The following TEX11 variants were observed in gnomAD, a reference collection of about 807,000 sequenced individuals.
TEX11 encodes the protein testis-expressed protein 11.
TEX11 carries 7 observed loss-of-function variants against 84.4 expected under a neutral mutation model. The ratio of observed to expected loss-of-function variants is 0.08; its 90% CI spans 0.05 to 0.16. The LOEUF is 0.16. Among genes scored for constraint, TEX11 ranks in the 10% least tolerant of loss-of-function variants. The probability of loss-of-function intolerance (pLI) is 1.00; values close to 1 mark genes in which losing one functional copy is unlikely to be tolerated. For synonymous variants in TEX11, 264 were observed against 222.8 expected (o/e 1.18, Z -1.64); for missense variants, 551 against 660.5 (o/e 0.83, Z 1.82).
chrX:70,846,168 C>G (rs2091478265), intron 7 of TEX11: 1 of 72,580 alleles, frequency 1.4e-5, no homozygotes, highest in South Asian at 5.2e-4. Context: ...AGCAAAGCAA[C>G]ATCAAGAGCC....
At chrX:70,664,872 C>T (rs1022556817) in intron 16 of TEX11, among the ~76,000 whole-genome samples, 2 of 101,841 alleles carry the variant, frequency 2.0e-5, no homozygotes, top group African/African-American at 7.1e-5. Context: ...AAAAAAAAAC[C>T]CTCAGAATCA....
intron 25 of TEX11, among the ~76,000 whole-genome samples, chrX:70,582,999 G>GC (rs1047764020): frequency 1.3e-4 from 14 of 110,319 alleles, no homozygotes; most frequent in Non-Finnish European, 2.1e-4. Flanking sequence ...ACCCACCTCG[G>GC]CCTTCCAAAG....
intron 5 of TEX11, among the ~76,000 whole-genome samples, chrX:70,855,945 T>C (rs1222077024): frequency 8.9e-6 from 1 of 111,770 alleles, no homozygotes; most frequent in Non-Finnish European, 1.9e-5. Flanking sequence ...ATATCTGTTG[T>C]TTAAGCCAAC....
At position 70,855,635 on chromosome X, in the gene TEX11, C is replaced by T. The variant is rs1346259176; in HGVS notation, c.325-2307G>A. On this transcript the variant is annotated intron_variant, in intron 5 of 29. Transcript: ENST00000374333. ...TCCCTTCAAAGTCCTACACTGTAGC[C>T]CTAACCTCCAACACCTCAGAATGTA... Among the ~76,000 whole-genome samples, 3 of 110,995 alleles carry T rather than the reference C, an allele frequency of 2.7e-5. No individual in the cohort carries two copies. The Admixed American group carries it at 2.9e-4, about 11-fold the overall frequency.
chrX:70,658,961 G>A lies in TEX11; in HGVS notation c.1381-7409C>T, dbSNP rs372951553. Among the ~76,000 whole-genome samples, 231 of 112,115 alleles carry A rather than the reference G, an allele frequency of 2.1e-3. 2 individuals carry two copies. Among genetic ancestry groups the A allele is most frequent in the African/African-American group, 7.4e-3 (228 of 30,881 alleles). On this transcript the variant is annotated intron_variant, in intron 16 of 29. Transcript: ENST00000374333. The stretch of plus-strand genomic sequence containing the variant: ...TTCCCAAACTATTCAATGGGAAAAG[G>A]ACAGTCTTTTCAACAAATGGTGCTG...
intron 11 of TEX11, among the ~76,000 whole-genome samples, chrX:70,734,294 A>C (rs1333176709): frequency 2.8e-5 from 3 of 108,254 alleles, no homozygotes; most frequent in Non-Finnish European, 5.7e-5. Flanking sequence ...CCTAAAACTT[A>C]AAGTATAATT....
In TEX11 at chrX:70,554,743, C is replaced by T; in HGVS notation, c.2198G>A (p.Arg733Lys). 1 of 1,210,326 alleles carries T rather than the reference C, an allele frequency of 8.3e-7. No homozygotes were observed. Among genetic ancestry groups the T allele is most frequent in the South Asian group, 1.8e-5 (1 of 56,702 alleles). Residue 733 changes from arginine (R) to lysine (K), a missense_variant, in exon 26 of 30, where the codon AGA becomes AAA. By Grantham distance (26) the Arg-to-Lys change is conservative. Transcript: ENST00000374333. ...CAGTAATGGATCATTCAATTTGGCT[C>T]TAACTTCAAACTCGTACAGCAGAAG... Reference protein sequence around the residue: ...KLLLLYEFEVRAKLNDPLLES... With the variant: ...KLLLLYEFEVKAKLNDPLLES...
At chrX:70,615,215 C>T (rs780467075) in intron 20 of TEX11, among the ~76,000 whole-genome samples, 16 of 111,445 alleles carry the variant, frequency 1.4e-4, no homozygotes, top group Non-Finnish European at 3.0e-4. Context: ...CACCAGGGAC[C>T]AGTTCTGGAG....
intron 16 of TEX11, among the ~76,000 whole-genome samples, chrX:70,666,184 A>G (rs1192775941): frequency 8.9e-6 from 1 of 111,902 alleles, no homozygotes; most frequent in African/African-American, 3.3e-5. Context: ...GTATCTAGGG[A>G]TAAACAGAAC....
intron 9 of TEX11, among the ~76,000 whole-genome samples, chrX:70,788,604 G>A (rs1453296352): frequency 1.9e-5 from 2 of 106,719 alleles, no homozygotes; most frequent in Non-Finnish European, 3.8e-5. Flanking sequence ...GCATTACCCT[G>A]ATACTAAAGC....
chrX:70,532,665 C>T (rs1488562061), intron 28 of TEX11, among the ~76,000 whole-genome samples: 3 of 111,693 alleles, frequency 2.7e-5, no homozygotes, highest in Non-Finnish European at 5.6e-5. Flanking sequence ...ACCCAGGAGG[C>T]GGAGGTTGTG....
At chrX:70,732,920 A>G (rs766860432) in intron 11 of TEX11, among the ~76,000 whole-genome samples, 1 of 112,348 alleles carries the variant, frequency 8.9e-6, no homozygotes, top group South Asian at 3.7e-4. Context: ...GGCTACAGTA[A>G]CCAAAACAGC....
At chrX:70,809,806 C>T (rs1602145531) in intron 8 of TEX11, among the ~76,000 whole-genome samples, 2 of 110,973 alleles carry the variant, frequency 1.8e-5, no homozygotes, top group East Asian at 2.8e-4. Context: ...AACCCATTCT[C>T]GTGCCTCAGC....
intron 8 of TEX11, among the ~76,000 whole-genome samples, chrX:70,812,808 A>T (rs1340444498): frequency 8.9e-6 from 1 of 111,927 alleles, no homozygotes; most frequent in Non-Finnish European, 1.9e-5. Context: ...ATCAGAGAAT[A>T]CTATAAATAC....
At chrX:70,748,837 T>A (rs1399268948) in intron 9 of TEX11, among the ~76,000 whole-genome samples, 7 of 95,790 alleles carry the variant, frequency 7.3e-5, no homozygotes, top group Non-Finnish European at 1.0e-4. Context: ...TGTAGTATAG[T>A]TTGAAGTCAG....
chrX:70,824,176 A>C (rs1042309644), intron 8 of TEX11, among the ~76,000 whole-genome samples: 3 of 111,766 alleles, frequency 2.7e-5, no homozygotes, highest in African/African-American at 9.8e-5. Context: ...GCAGAAGGCA[A>C]ATAAAGGAAG....
chrX:70,792,362 A>G (rs2091129410), intron 9 of TEX11, among the ~76,000 whole-genome samples: 1 of 7,649 alleles, frequency 1.3e-4, no homozygotes, highest in Non-Finnish European at 2.2e-4. Context: ...ATATATACAC[A>G]CACAAATATA....
intron 15 of TEX11, among the ~76,000 whole-genome samples, chrX:70,676,910 A>T (rs1259209316): frequency 8.9e-6 from 1 of 111,978 alleles, no homozygotes; most frequent in Non-Finnish European, 1.9e-5. Flanking sequence ...TTTCATCTTT[A>T]TAAGTTTGAT....
the TEX11 span, among the ~76,000 whole-genome samples, chrX:70,522,770 C>T: frequency 7.3e-3 from 795 of 109,153 alleles, 5 homozygotes; most frequent in African/African-American, 0.019. Flanking sequence ...CTTGAACTCC[C>T]GACCTCAGGT....
Sources: gnomAD v4.1 joint callset for allele counts (sites outside exome capture counted in the v4.1 genomes callset) on GRCh38, gnomAD v4.1.1 for gene constraint, MANE v1.5 for transcripts, NCBI Gene and HGNC (gene_info 2026-07-23, HGNC 2026-07-21) for gene names.